The following ATG7 variants were observed in gnomAD, a reference collection of about 807,000 sequenced individuals.
ATG7 encodes the protein ubiquitin-like modifier-activating enzyme ATG7.
In ATG7, 70 loss-of-function variants were observed where a neutral mutation model predicts 82.4. The observed-to-expected ratio is 0.85, with a 90% confidence interval of 0.70 to 1.04. The LOEUF is 1.04. ATG7 is among the 50% of genes least tolerant of loss of function. The probability of loss-of-function intolerance (pLI) is 0.00; values close to 1 mark genes in which losing one functional copy is unlikely to be tolerated. For synonymous variants in ATG7, 287 were observed against 313.0 expected, an observed-to-expected ratio of 0.92 and a Z score of 0.88; for missense variants, 792 against 864.3, an observed-to-expected ratio of 0.92 and a Z score of 1.05.
At chr3:11,355,078 C>T (rs1176957221) in intron 14 of ATG7, among the ~76,000 whole-genome samples, 3 of 152,302 alleles carry the variant, frequency 2.0e-5, no homozygotes, top group South Asian at 2.1e-4. Context: ...AGGAGTGCCT[C>T]GGTAGCACCT....
At chr3:11,480,807 T>C (rs1022974074) in intron 20 of ATG7, among the ~76,000 whole-genome samples, 2 of 152,180 alleles carry the variant, frequency 1.3e-5, no homozygotes, top group African/African-American at 4.8e-5. Context: ...GAGGAGGGCC[T>C]ATCCACTGGG....
chr3:11,310,221 C>G (rs148156899), intron 7 of ATG7, among the ~76,000 whole-genome samples: 123 of 152,018 alleles, frequency 8.1e-4, no homozygotes, highest in African/African-American at 2.7e-3. Flanking sequence ...CCATATTGAT[C>G]TTTTCTCCTG....
At chr3:11,439,719 G>C (rs2083701000) in intron 20 of ATG7, among the ~76,000 whole-genome samples, 1 of 152,188 alleles carries the variant, frequency 6.6e-6, no homozygotes, top group Admixed American at 6.5e-5. Flanking sequence ...AGGTTTTGAG[G>C]TGCGTCTTGA....
chr3:11,295,025 T>C (rs1322801856), intron 3 of ATG7, among the ~76,000 whole-genome samples: 2 of 152,136 alleles, frequency 1.3e-5, no homozygotes, highest in Admixed American at 6.5e-5. Flanking sequence ...GGCAGGAGAA[T>C]TGCTTGAACC....
At chr3:11,483,932 A>G (rs755387457) in intron 20 of ATG7, among the ~76,000 whole-genome samples, 1 of 152,242 alleles carries the variant, frequency 6.6e-6, no homozygotes, top group African/African-American at 2.4e-5. Context: ...ACCTAGCAAG[A>G]AAGTATTGGG....
At chr3:11,441,408 A>AT (rs904337183) in intron 20 of ATG7, among the ~76,000 whole-genome samples, 31 of 151,634 alleles carry the variant, frequency 2.0e-4, no homozygotes, top group African/African-American at 6.1e-4. Flanking sequence ...CACCCAGTTA[A>AT]TTTTTTTGTA....
At chr3:11,421,370 C>T (rs2081932398) in intron 19 of ATG7, among the ~76,000 whole-genome samples, 1 of 152,166 alleles carries the variant, frequency 6.6e-6, no homozygotes, top group Admixed American at 6.5e-5. Flanking sequence ...ACATGATGTT[C>T]TAAATCTTTA....
chr3:11,338,062 T>A (rs1952823445), intron 11 of ATG7, among the ~76,000 whole-genome samples: 1 of 152,146 alleles, frequency 6.6e-6, no homozygotes, highest in Non-Finnish European at 1.5e-5. Flanking sequence ...ATCACCCAGG[T>A]ACTAATACCT....
chr3:11,565,744 G>A, the ATG7 span, among the ~76,000 whole-genome samples: 6 of 152,300 alleles, frequency 3.9e-5, no homozygotes, highest in East Asian at 5.8e-4. The surrounding 1 kb of genome is among the most constrained non-coding windows in gnomAD (Gnocchi z 4.1). Flanking sequence ...GCGATGCCAC[G>A]TGGAATCCAG....
At position 11,277,920 on chromosome 3, in the gene ATG7, C is replaced by T. The variant is rs769468714; in HGVS notation, c.-365-3074C>T. Among the ~76,000 whole-genome samples the T allele has an allele frequency of 3.4e-4, 47 of 136,456 alleles. 1 individual carries two copies. The highest frequency in any genetic ancestry group is 6.9e-4 in the Non-Finnish European group (44 of 64,162). 89.5% of individuals were successfully genotyped at this position (136,456 alleles called of 152,430 possible). On this transcript the variant is annotated intron_variant, in intron 1 of 20. Transcript: ENST00000693202. ...CCCCCCCCCCACCAGGAATGCATTC[C>T]TTTCCCAGGGTCTTAATTATTAATA...
chr3:11,568,769 T>C, the ATG7 span: 5 of 1,495,516 alleles, frequency 3.3e-6, no homozygotes, highest in South Asian at 1.3e-5. The surrounding 1 kb of genome is among the most constrained non-coding windows in gnomAD (Gnocchi z 5.9). Flanking sequence ...GGAAGTCGCC[T>C]CCGCTCCTGG....
chr3:11,382,042 T>C (rs1342876434), intron 19 of ATG7, among the ~76,000 whole-genome samples: 1 of 152,202 alleles, frequency 6.6e-6, no homozygotes, highest in Non-Finnish European at 1.5e-5. Flanking sequence ...TTTCAAAAGA[T>C]TGGGGCTAAA....
chr3:11,574,759 T>C, the ATG7 span, among the ~76,000 whole-genome samples: 1 of 151,284 alleles, frequency 6.6e-6, no homozygotes, highest in African/African-American at 2.4e-5. Context: ...CATGAATATG[T>C]ACAATTACTG....
intron 3 of ATG7, among the ~76,000 whole-genome samples, chr3:11,288,164 C>T (rs186519368): frequency 3.9e-5 from 6 of 152,300 alleles, no homozygotes; most frequent in African/African-American, 1.2e-4. Context: ...TGCAGTATTA[C>T]GTGGCAAATA....
chr3:11,442,233 T>C (rs1237141117), intron 20 of ATG7, among the ~76,000 whole-genome samples: 1 of 152,136 alleles, frequency 6.6e-6, no homozygotes, highest in Non-Finnish European at 1.5e-5. Context: ...AACAGGGTGG[T>C]CTTATGGAAG....
At chr3:11,325,967 T>C (rs1243999458) in intron 9 of ATG7, among the ~76,000 whole-genome samples, 1 of 152,226 alleles carries the variant, frequency 6.6e-6, no homozygotes, top group Non-Finnish European at 1.5e-5. Context: ...TGAGCTTTGA[T>C]ATAGTCTGTG....
chr3:11,414,955 G>A (rs755456710), intron 19 of ATG7, among the ~76,000 whole-genome samples: 27 of 152,182 alleles, frequency 1.8e-4, no homozygotes, highest in Non-Finnish European at 2.8e-4. Context: ...GTTGCTAAAC[G>A]ATGGGGATAC....
chr3:11,395,918 C>T (rs35709598), intron 19 of ATG7, among the ~76,000 whole-genome samples: 27,803 of 120,608 alleles, frequency 0.23, 3,325 homozygotes, highest in Admixed American at 0.4. Flanking sequence ...CCAGCCTGGG[C>T]GACAGAGCGA....
intron 20 of ATG7, among the ~76,000 whole-genome samples, chr3:11,539,078 G>A (rs531888946): frequency 2.2e-5 from 3 of 139,292 alleles, no homozygotes; most frequent in Non-Finnish European, 3.0e-5. Context: ...ACCACAAAAT[G>A]TTAATGATAT....
Sources: gnomAD v4.1 joint callset for allele counts (sites outside exome capture counted in the v4.1 genomes callset) on GRCh38, gnomAD v4.1.1 for gene constraint, Gnocchi (gnomAD v3.1) non-coding constraint, MANE v1.5 for transcripts, NCBI Gene and HGNC (gene_info 2026-07-23, HGNC 2026-07-21) for gene names.